AMZ1: variants seen among roughly 807,000 people sequenced by gnomAD.
The protein encoded by AMZ1 is archaelysin family metallopeptidase 1.
In AMZ1, 39 loss-of-function variants were observed where a neutral mutation model predicts 29.9. The observed-to-expected ratio is 1.30, with a 90% CI of 1.01 to 1.70. The LOEUF is 1.70. AMZ1 is among the 40% of genes most tolerant of loss of function. AMZ1 has a pLI of 0.00. For missense variants in AMZ1, 1,041 were observed against 680.6 expected (o/e 1.53, Z -5.89); for synonymous variants, 458 against 304.0 (o/e 1.51, Z -5.27).
At chr7:2,680,557 GC>G (rs773977844) in intron 1 of AMZ1, among the ~76,000 whole-genome samples, 15 of 152,208 alleles carry the variant, frequency 9.9e-5, no homozygotes, top group Non-Finnish European at 1.9e-4. Context: ...TGCTGGAGAT[GC>G]CCAAGGAGTA....
At chr7:2,721,944 C>G (rs375790682), downstream of AMZ1, among the ~76,000 whole-genome samples, 1 of 152,230 alleles carries the variant, frequency 6.6e-6, no homozygotes, top group African/African-American at 2.4e-5. Flanking sequence ...ACACTGTATT[C>G]GTAAACCAAG....
At chr7:2,703,651 C>T (rs1056645175) in intron 3 of AMZ1, among the ~76,000 whole-genome samples, 1 of 152,106 alleles carries the variant, frequency 6.6e-6, no homozygotes, top group African/African-American at 2.4e-5. Flanking sequence ...TAGGGAGGGC[C>T]TCAAAGGGGC....
In AMZ1 at chr7:2,712,543, C is replaced by A. The variant is rs565172717; in HGVS notation, c.1162C>A (p.Leu388Met). The change falls in exon 7 of 7, where the codon CTG becomes ATG. Residue 388 changes from leucine to methionine, a missense_variant. By Grantham distance (15) the Leu-to-Met change is conservative (BLOSUM62 2). Transcript: ENST00000683327. ...ASGPEEGLSY[L>M]AASEAPLPPG... ...GGGGCCAGAGGAAGGGCTGAGCTAC[C>A]TGGCAGCCTCAGAGGCTCCGCTGCC... 1.9e-6 allele frequency: 3 copies of A among 1,609,140 alleles called. No homozygotes were observed. The South Asian group carries it at 3.3e-5, about 18-fold the overall frequency.
chr7:2,680,456 G>A lies in AMZ1; in HGVS notation c.-219+785G>A, dbSNP rs140857437. ...TTTCCAGGAGCCCAGACATGCAGCC[G>A]CCCTGGGCCGCGAAGCCTCAAGAGG... On this transcript the variant is annotated intron_variant, in intron 1 of 6. Coordinates refer to the AMZ1 transcript ENST00000312371. Among the ~76,000 whole-genome samples the A allele has an allele frequency of 1.2e-3, 187 of 152,290 alleles. 1 individual carries two copies. The highest frequency in any genetic ancestry group is 4.1e-3 in the African/African-American group (171 of 41,544).
chr7:2,710,173 A>G (rs1258460687), intron 6 of AMZ1, among the ~76,000 whole-genome samples: 1 of 151,246 alleles, frequency 6.6e-6, no homozygotes, highest in Non-Finnish European at 1.5e-5. Flanking sequence ...CGTCACCCAC[A>G]CTTGGGTCAC....
rs184896892 is a variant in AMZ1, at chr7:2,749,769, T to C, written n.551-14943T>C. Among the ~76,000 whole-genome samples the C allele has an allele frequency of 3.4e-3, 520 of 152,036 alleles. 2 individuals carry two copies. The highest frequency in any genetic ancestry group is 0.01 in the Middle Eastern group (3 of 294). On this transcript the variant is annotated intron_variant and non_coding_transcript_variant, in intron 4 of 4. Coordinates refer to the AMZ1 transcript ENST00000489665. The stretch of plus-strand genomic sequence containing the variant: ...CACACAACATCTGAAATTTTAAAAT[T>C]TACTGGATGAACTTAATAAGAGACT...
In AMZ1 at chr7:2,707,959, G is replaced by C. The variant is rs1442399490; in HGVS notation, c.473-629G>C. Among the ~76,000 whole-genome samples the C allele has an allele frequency of 1.3e-5, 2 of 151,688 alleles. 1 individual carries two copies. Among genetic ancestry groups the C allele is most frequent in the African/African-American group, 4.8e-5 (2 of 41,240 alleles). ...CCGTCTCAGACTCCTGAGTAGTTGG[G>C]ATTACAGGCACGCACCACCAGGCCC... On this transcript the variant is annotated intron_variant, in intron 3 of 6. Transcript: ENST00000683327.
At position 2,711,906 on chromosome 7, in the gene AMZ1, A is replaced by G. The variant is rs569008446; in HGVS notation, c.949-424A>G. On this transcript the variant is annotated intron_variant, in intron 6 of 6. Coordinates refer to ENST00000683327, the MANE Select transcript of AMZ1 (RefSeq NM_001384743.1). Reference sequence around the variant, plus strand: ...TAAAAAATGTAAAAATTAGCCAGGCATGCTGGCAGGAACCTGTAAAATCCC... The same window carrying G: ...TAAAAAATGTAAAAATTAGCCAGGCGTGCTGGCAGGAACCTGTAAAATCCC... Among the ~76,000 whole-genome samples, 300 of 152,254 alleles carry G rather than the reference A, an allele frequency of 2.0e-3. 1 individual carries two copies. The highest frequency in any genetic ancestry group is 5.0e-3 in the African/African-American group (208 of 41,548).
intron 1 of AMZ1, among the ~76,000 whole-genome samples, chr7:2,696,104 C>T (rs182428956): frequency 1.0e-3 from 156 of 151,954 alleles, no homozygotes; most frequent in African/African-American, 3.6e-3. Flanking sequence ...CCCACAACCT[C>T]TGATTCTGGG....
At position 2,713,656 on chromosome 7, in the gene AMZ1, C is replaced by G. The variant is rs995353650; in HGVS notation, c.*778C>G. 6.6e-6 allele frequency: 1 copy of G among 152,474 alleles called. No homozygotes were observed. Among genetic ancestry groups the G allele is most frequent in the African/African-American group, 2.4e-5 (1 of 41,456 alleles). The allele number at this position is 152,474 out of a possible 1,614,324, so 9.4% of individuals were successfully genotyped here. A position where few individuals can be genotyped will look rare whatever the true frequency, so the allele number is the denominator to read the frequency against. On this transcript the variant is annotated 3_prime_UTR_variant, in exon 7 of 7. Coordinates refer to ENST00000683327, the MANE Select transcript of AMZ1 (RefSeq NM_001384743.1). ...TCAACCACATGCACACACACACTGT[C>G]ACGTTCTGTGGCGCTAACAGCATCC...
intron 4 of AMZ1, among the ~76,000 whole-genome samples, chr7:2,739,433 G>A (rs920073438): frequency 2.0e-5 from 3 of 152,088 alleles, no homozygotes; most frequent in African/African-American, 7.2e-5. Flanking sequence ...TCCGAGGCTC[G>A]CCCATGCTGT....
At chr7:2,726,259 G>C (rs562010858) in intron 4 of AMZ1, among the ~76,000 whole-genome samples, 3 of 152,346 alleles carry the variant, frequency 2.0e-5, no homozygotes, top group African/African-American at 7.2e-5. Context: ...TCTCGAGGCA[G>C]GTTGCTGGCC....
Position 2,731,002 on chromosome 7 carries a change from T to A in AMZ1, n.550+21186T>A. On this transcript the variant is annotated intron_variant and non_coding_transcript_variant, in intron 4 of 4. Coordinates refer to the AMZ1 transcript ENST00000489665. The surrounding 1 kb of genome is among the most constrained non-coding windows in gnomAD (Gnocchi z 6.0). ...GGATTCAGTAGCTAACGTGACAGTT[T>A]CCATGTCCTTTTGCCTAGAGCTCGC... 1.8e-6 allele frequency: 1 copy of A among 543,834 alleles called. No individual in the cohort carries two copies. The highest frequency in any genetic ancestry group is 3.1e-5 in the Admixed American group (1 of 32,742). 33.7% of individuals were successfully genotyped at this position (543,834 alleles called of 1,614,324 possible). A position where few individuals can be genotyped will look rare whatever the true frequency, so the allele number is the denominator to read the frequency against.
intron 4 of AMZ1, among the ~76,000 whole-genome samples, chr7:2,732,558 A>C (rs1269677928): frequency 3.9e-5 from 6 of 152,104 alleles, no homozygotes; most frequent in Admixed American, 3.3e-4. Flanking sequence ...AAAATCGAAA[A>C]ACAAAACAGA....
chr7:2,708,279 T>G (rs1295403473), intron 3 of AMZ1, among the ~76,000 whole-genome samples: 1 of 152,180 alleles, frequency 6.6e-6, no homozygotes, highest in African/African-American at 2.4e-5. Flanking sequence ...GCTCAGCTGC[T>G]GAGGTGGCTT....
chr7:2,728,845 G>A (rs572059666), intron 4 of AMZ1: 152 of 152,298 alleles, frequency 1.0e-3, no homozygotes, highest in Admixed American at 2.6e-3. Flanking sequence ...CGGTCATGAG[G>A]AGGAGGAGGA....
intron 4 of AMZ1, among the ~76,000 whole-genome samples, chr7:2,759,190 AAAT>A (rs1791444718): frequency 6.6e-6 from 1 of 150,998 alleles, no homozygotes; most frequent in Admixed American, 6.6e-5. Flanking sequence ...TAAATAAATA[AAAT>A]AAAAATAAAA....
chr7:2,755,872 T>G lies in AMZ1; in HGVS notation n.551-8840T>G, dbSNP rs185141113. Among the ~76,000 whole-genome samples, 147 of 152,336 alleles carry G rather than the reference T, an allele frequency of 9.6e-4. 1 individual carries two copies. Among genetic ancestry groups the G allele is most frequent in the African/African-American group, 3.5e-3 (146 of 41,578 alleles). The stretch of plus-strand genomic sequence containing the variant: ...ATGTCATATTCATGAAATGGAAGAT[T>G]CAACATTGTTGTTTATGCTCCCCAA... On this transcript the variant is annotated intron_variant and non_coding_transcript_variant, in intron 4 of 4. Transcript: ENST00000489665.
Position 2,700,709 on chromosome 7 carries a change from CCGGAAGCCCCGCCTGGCT to C in AMZ1, c.266_283del (p.Pro89_Lys94del). 1 of 1,613,178 alleles carries C rather than the reference CCGGAAGCCCCGCCTGGCT, an allele frequency of 6.2e-7. No individual in the cohort carries two copies. Among genetic ancestry groups the C allele is most frequent in the Non-Finnish European group, 8.5e-7 (1 of 1,180,036 alleles). On this transcript the variant is annotated inframe_deletion, in exon 2 of 7. Transcript: ENST00000683327. Reference sequence around the variant, plus strand: ...AGACCTTCCACGCCTCCCTGCAGCACCGGAAGCCCCGCCTGGCTCGGAAGCACATCTACCTACAGCCGA... The same window carrying C: ...AGACCTTCCACGCCTCCCTGCAGCACCGGAAGCACATCTACCTACAGCCGA...
Sources: allele counts gnomAD v4.1 joint callset (sites outside exome capture counted in the v4.1 genomes callset), GRCh38; gene constraint gnomAD v4.1.1; non-coding constraint Gnocchi (gnomAD v3.1); transcripts MANE v1.5; gene names NCBI Gene and HGNC (gene_info 2026-07-23, HGNC 2026-07-21).